Variants in ACER3 observed in about 807,000 individuals in gnomAD.
The protein encoded by ACER3 is alkaline ceramidase 3.
Under a neutral mutation model 48.9 loss-of-function variants are expected in ACER3, and 16 were observed. That is an observed-to-expected ratio of 0.33 (90% confidence interval 0.22 to 0.50). The LOEUF is 0.50. Ranked by LOEUF, ACER3 falls within the 20% of genes least tolerant of loss-of-function variation. The pLI is 0.98. For missense variants in ACER3, 227 were observed against 326.0 expected, an observed-to-expected ratio of 0.70 and a Z score of 2.34; for synonymous variants, 109 against 107.8, an observed-to-expected ratio of 1.01 and a Z score of -0.07.
At chr11:76,996,398 C>CATTATTATT (rs113842907) in intron 6 of ACER3, among the ~76,000 whole-genome samples, 31 of 146,580 alleles carry the variant, frequency 2.1e-4, no homozygotes, top group African/African-American at 4.0e-4. Flanking sequence ...ATTGGCTTTC[C>CATTATTATT]ATTATTATTA....
Position 76,976,390 on chromosome 11 carries a change from T to C in ACER3, c.320+49T>C. 3 of 1,194,000 alleles carry C rather than the reference T, an allele frequency of 2.5e-6. No individual in the cohort carries two copies. In the South Asian group the frequency reaches 4.1e-5, roughly 16 times the overall value. The allele number at this position is 1,194,000 out of a possible 1,614,324, so 74.0% of individuals were successfully genotyped here. A position where few individuals can be genotyped will look rare whatever the true frequency, so the allele number is the denominator to read the frequency against. ...GTTTGATTTATTTTTAAATTTATAT[T>C]TACCTCATAGTGGATTAATATAACT... On this transcript the variant is annotated intron_variant, in intron 4 of 10. Transcript: ENST00000532485.
At chr11:76,894,887 A>AT (rs1487199965) in intron 1 of ACER3, among the ~76,000 whole-genome samples, 1 of 152,228 alleles carries the variant, frequency 6.6e-6, no homozygotes, top group East Asian at 1.9e-4. Context: ...CTTAATCTGC[A>AT]TGGAGGCCTG....
At position 77,023,101 on chromosome 11, in the gene ACER3, C is replaced by T; in HGVS notation, c.*2774C>T. 1 of 398,602 alleles carries T rather than the reference C, an allele frequency of 2.5e-6. No individual in the cohort carries two copies. Among genetic ancestry groups the T allele is most frequent in the East Asian group, 3.6e-5 (1 of 28,068 alleles). 24.7% of individuals were successfully genotyped at this position (398,602 alleles called of 1,614,324 possible). A position where few individuals can be genotyped will look rare whatever the true frequency, so the allele number is the denominator to read the frequency against. ...CTCCCCACCATGGTGTTTCATGAAA[C>T]ATCCCCACCACCTGAAGTGATCTTT... On this transcript the variant is annotated 3_prime_UTR_variant, in exon 11 of 11. Coordinates refer to ENST00000532485, the MANE Select transcript of ACER3 (RefSeq NM_018367.7).
chr11:76,978,195 T>C (rs1948493509), intron 4 of ACER3, among the ~76,000 whole-genome samples: 1 of 152,048 alleles, frequency 6.6e-6, no homozygotes, highest in Admixed American at 6.6e-5. Context: ...CCGGTGAAGC[T>C]CCACCTTCAA....
At chr11:76,864,596 ATTTT>A (rs772026324) in intron 1 of ACER3, among the ~76,000 whole-genome samples, 5 of 99,932 alleles carry the variant, frequency 5.0e-5, no homozygotes, top group Admixed American at 1.2e-4. Context: ...TGGAATGGGT[ATTTT>A]TTTTTTTTTT....
intron 3 of ACER3, among the ~76,000 whole-genome samples, chr11:76,964,997 A>G (rs1591001623): frequency 6.6e-6 from 1 of 151,486 alleles, no homozygotes; most frequent in East Asian, 1.9e-4. Flanking sequence ...AGGCTTCAGA[A>G]GATTAAACTA....
chr11:77,009,714 G>A (rs1047651477), intron 7 of ACER3, among the ~76,000 whole-genome samples: 1 of 152,282 alleles, frequency 6.6e-6, no homozygotes, highest in Middle Eastern at 3.4e-3. Flanking sequence ...AGCAGGCTGA[G>A]GCAGGAGGAT....
chr11:76,907,554 AG>A (rs1946265781), intron 1 of ACER3, among the ~76,000 whole-genome samples: 1 of 152,206 alleles, frequency 6.6e-6, no homozygotes, highest in East Asian at 1.9e-4. Context: ...CAGATTTACA[AG>A]ATTATTTTTG....
chr11:76,878,599 T>C (rs2134564141), intron 1 of ACER3, among the ~76,000 whole-genome samples: 1 of 152,238 alleles, frequency 6.6e-6, no homozygotes, highest in Middle Eastern at 3.4e-3. Context: ...ACCTGGGCTG[T>C]TCCCAGTTTT....
intron 1 of ACER3, among the ~76,000 whole-genome samples, chr11:76,874,591 A>T (rs1945322734): frequency 6.6e-6 from 1 of 152,200 alleles, no homozygotes; most frequent in Non-Finnish European, 1.5e-5. Context: ...ACTTTAGGTA[A>T]AGGAGATTAC....
chr11:76,928,307 T>G (rs1946892174), intron 2 of ACER3, among the ~76,000 whole-genome samples: 1 of 151,922 alleles, frequency 6.6e-6, no homozygotes, highest in South Asian at 2.2e-4. Context: ...TTGATGGGGT[T>G]GTTTGTTTTT....
intron 2 of ACER3, among the ~76,000 whole-genome samples, chr11:76,947,886 C>T (rs1218069755): frequency 6.6e-6 from 1 of 152,118 alleles, no homozygotes; most frequent in Admixed American, 6.6e-5. Flanking sequence ...CCCAAACCCA[C>T]GGACAGGACC....
At position 77,026,561 on chromosome 11, in the gene ACER3, A is replaced by G. The variant is rs1949552343; in HGVS notation, c.*6234A>G. 1 of 152,236 alleles carries G rather than the reference A, an allele frequency of 6.6e-6. No individual in the cohort carries two copies. Among genetic ancestry groups the G allele is most frequent in the South Asian group, 2.1e-4 (1 of 4,834 alleles). The allele number at this position is 152,236 out of a possible 1,614,324, so 9.4% of individuals were successfully genotyped here. On this transcript the variant is annotated 3_prime_UTR_variant, in exon 11 of 11. Transcript: ENST00000532485. The stretch of plus-strand genomic sequence containing the variant: ...AGTTGTCGCAGATGTTTGTTCTAGT[A>G]GCGATTATTTAATAAACATACATTG...
chr11:76,934,362 G>T (rs1463614704), intron 2 of ACER3, among the ~76,000 whole-genome samples: 17 of 152,224 alleles, frequency 1.1e-4, no homozygotes, highest in Middle Eastern at 3.2e-3. Flanking sequence ...GTTGTAGCCA[G>T]CCGAGATCAC....
intron 2 of ACER3, among the ~76,000 whole-genome samples, chr11:76,948,174 C>A (rs1947523817): frequency 6.8e-6 from 1 of 147,766 alleles, no homozygotes; most frequent in South Asian, 2.1e-4. Flanking sequence ...TTTGGTATTA[C>A]CATTCTGTTA....
rs35627838 is a variant in ACER3, at chr11:76,865,138, ATT to A, written c.103+4076_103+4077del. ...AGGCGTGTGCCACCATGCCCAGCTA[ATT>A]TTTTTTTTTTTTTTTTGGATTTTTA... On this transcript the variant is annotated intron_variant, in intron 1 of 10. Transcript: ENST00000532485. 6.2e-3 allele frequency among the ~76,000 whole-genome samples: 799 copies of A among 128,330 alleles called. 9 individuals carry two copies. The highest frequency in any genetic ancestry group is 0.022 in the African/African-American group (749 of 34,588). The allele number at this position is 128,330 out of a possible 152,430, so 84.2% of individuals were successfully genotyped here.
intron 1 of ACER3, among the ~76,000 whole-genome samples, chr11:76,904,552 G>A (rs1946168609): frequency 6.6e-6 from 1 of 151,926 alleles, no homozygotes; most frequent in Non-Finnish European, 1.5e-5. Flanking sequence ...CAGCCACCCT[G>A]GACACATATT....
intron 1 of ACER3, among the ~76,000 whole-genome samples, chr11:76,881,499 G>A (rs1425307220): frequency 6.6e-6 from 1 of 151,396 alleles, no homozygotes; most frequent in East Asian, 1.9e-4. Flanking sequence ...TATTTATTTA[G>A]TGGTTACTCT....
At chr11:76,949,391 T>C (rs1947572983) in intron 2 of ACER3, among the ~76,000 whole-genome samples, 3 of 152,158 alleles carry the variant, frequency 2.0e-5, no homozygotes, top group Admixed American at 2.0e-4. Context: ...ATGAATTTTA[T>C]ATTAACTTTG....
Sources: gnomAD v4.1 joint callset for allele counts (sites outside exome capture counted in the v4.1 genomes callset) on GRCh38, gnomAD v4.1.1 for gene constraint, MANE v1.5 for transcripts, NCBI Gene and HGNC (gene_info 2026-07-23, HGNC 2026-07-21) for gene names.